The following SLC16A9 variants were observed in gnomAD, a reference collection of about 807,000 sequenced individuals.
The protein encoded by SLC16A9 is monocarboxylate transporter 9.
Under a neutral mutation model 44.3 loss-of-function variants are expected in SLC16A9, and 26 were observed. The observed-to-expected ratio is 0.59, with a 90% CI of 0.43 to 0.81. The LOEUF is 0.81. Among genes scored for constraint, SLC16A9 ranks in the 40% least tolerant of loss-of-function variants. The pLI is 0.00. For missense variants in SLC16A9, 559 were observed against 595.8 expected (o/e 0.94, Z 0.64); for synonymous variants, 230 against 225.1 (o/e 1.02, Z -0.19).
intron 1 of SLC16A9, chr10:59,708,870 C>G (rs1239361912): frequency 1.3e-5 from 2 of 152,506 alleles, no homozygotes; most frequent in East Asian, 3.9e-4. Context: ...CCGGTGCCTC[C>G]TGCGGCGGTG....
At chr10:59,707,124 G>T (rs538352912) in intron 1 of SLC16A9, among the ~76,000 whole-genome samples, 1 of 149,610 alleles carries the variant, frequency 6.7e-6, no homozygotes. Context: ...GGTGGCACAC[G>T]CTTGTAGTCC....
At chr10:59,662,289 G>GAA (rs201875280) in intron 4 of SLC16A9, among the ~76,000 whole-genome samples, 4 of 145,828 alleles carry the variant, frequency 2.7e-5, no homozygotes, top group African/African-American at 7.5e-5. Context: ...AAATTTACAA[G>GAA]AAAAAAAAAA....
intron 2 of SLC16A9, among the ~76,000 whole-genome samples, chr10:59,675,804 A>G (rs1839846231): frequency 6.6e-6 from 1 of 152,232 alleles, no homozygotes. Flanking sequence ...GAATCAAGAG[A>G]GAAGGAAAAA....
chr10:59,683,325 G>A (rs1451323810), intron 2 of SLC16A9, among the ~76,000 whole-genome samples: 3 of 152,150 alleles, frequency 2.0e-5, no homozygotes, highest in Non-Finnish European at 4.4e-5. Flanking sequence ...AGAAGTTCAA[G>A]TGGCATATGA....
intron 1 of SLC16A9, among the ~76,000 whole-genome samples, chr10:59,694,442 A>G (rs1324031217): frequency 6.6e-6 from 1 of 152,204 alleles, no homozygotes; most frequent in African/African-American, 2.4e-5. Flanking sequence ...GCTATTAGCC[A>G]GTGATTAATA....
At chr10:59,671,757 C>T (rs1839755605) in intron 3 of SLC16A9, among the ~76,000 whole-genome samples, 1 of 151,868 alleles carries the variant, frequency 6.6e-6, no homozygotes, top group Non-Finnish European at 1.5e-5. Context: ...AAATGGACTA[C>T]TGAGTGTCAG....
chr10:59,696,257 C>T (rs1258438537), intron 1 of SLC16A9, among the ~76,000 whole-genome samples: 2 of 152,216 alleles, frequency 1.3e-5, no homozygotes, highest in African/African-American at 4.8e-5. Flanking sequence ...GCGCGGGCCC[C>T]CACGCCTGAC....
intron 2 of SLC16A9, among the ~76,000 whole-genome samples, chr10:59,677,572 C>T (rs972495458): frequency 2.0e-5 from 3 of 152,022 alleles, no homozygotes; most frequent in African/African-American, 7.2e-5. Flanking sequence ...AAAACAAACT[C>T]GCATCAAGGT....
At chr10:59,696,505 C>T (rs1840379605) in intron 1 of SLC16A9, among the ~76,000 whole-genome samples, 1 of 152,274 alleles carries the variant, frequency 6.6e-6, no homozygotes, top group African/African-American at 2.4e-5. Flanking sequence ...GCCGAGATTG[C>T]AGCCTCTGCC....
intron 1 of SLC16A9, among the ~76,000 whole-genome samples, chr10:59,686,071 C>G (rs996170322): frequency 1.3e-5 from 2 of 151,198 alleles, no homozygotes; most frequent in African/African-American, 4.9e-5. Context: ...GCATTTCTTA[C>G]AGTATAAATG....
At position 59,672,762 on chromosome 10, in the gene SLC16A9, T is replaced by C. The variant is rs1166429282; in HGVS notation, c.340+8A>G. 2 of 1,609,978 alleles carry C rather than the reference T, an allele frequency of 1.2e-6. No homozygotes were observed. The highest frequency in any genetic ancestry group is 3.4e-5 in the Admixed American group (2 of 59,172). On this transcript the variant is annotated splice_region_variant and intron_variant, in intron 3 of 5. Transcript: ENST00000395348. ...GGTTAGGAAAGTCATAGTGACGAGG[T>C]TCCTTACCTACAACAATGCCATAGG...
intron 1 of SLC16A9, among the ~76,000 whole-genome samples, chr10:59,684,961 C>A (rs987023547): frequency 2.0e-5 from 3 of 152,192 alleles, no homozygotes; most frequent in African/African-American, 4.8e-5. Flanking sequence ...CCCATAAGGG[C>A]TGGCAGCATT....
chr10:59,653,617 C>G, intron 5 of SLC16A9, 58 bp downstream of exon 5: 2 of 1,438,684 alleles, frequency 1.4e-6, no homozygotes, highest in South Asian at 2.6e-5. Context: ...ACCTCTATAT[C>G]TGGAGATATG....
chr10:59,666,948 A>T (rs1839633495), intron 3 of SLC16A9, among the ~76,000 whole-genome samples: 1 of 151,750 alleles, frequency 6.6e-6, no homozygotes, highest in African/African-American at 2.4e-5. Flanking sequence ...TTCCCAATTC[A>T]TAAAGATTTC....
chr10:59,704,695 C>G (rs1001106851), intron 1 of SLC16A9, among the ~76,000 whole-genome samples: 1 of 152,222 alleles, frequency 6.6e-6, no homozygotes, highest in African/African-American at 2.4e-5. Context: ...ACCAGGGTCA[C>G]TGGACTGCCA....
intron 5 of SLC16A9, among the ~76,000 whole-genome samples, chr10:59,653,425 C>CAAAAAAAAAA (rs562805430): frequency 0.091 from 3,329 of 36,556 alleles, 940 homozygotes; most frequent in Non-Finnish European, 0.13. Flanking sequence ...AACTCCGTCT[C>CAAAAAAAAAA]AAAAAAAAAA....
At chr10:59,706,999 C>CAA (rs760131923) in intron 1 of SLC16A9, among the ~76,000 whole-genome samples, 1,092 of 90,438 alleles carry the variant, frequency 0.012, 20 homozygotes, top group African/African-American at 0.041. Flanking sequence ...AACTCCATCT[C>CAA]AAAAAAAAAA....
At chr10:59,661,992 G>A (rs1359685981) in intron 4 of SLC16A9, among the ~76,000 whole-genome samples, 3 of 152,050 alleles carry the variant, frequency 2.0e-5, no homozygotes, top group Non-Finnish European at 2.9e-5. Flanking sequence ...ACGCAAGATG[G>A]ATTAAAGATT....
chr10:59,670,129 G>T (rs978110579), intron 3 of SLC16A9, among the ~76,000 whole-genome samples: 1 of 152,140 alleles, frequency 6.6e-6, no homozygotes, highest in Non-Finnish European at 1.5e-5. Flanking sequence ...ATTCAATAGA[G>T]CTTCTTCAGT....
Sources: gnomAD v4.1 joint callset for allele counts (sites outside exome capture counted in the v4.1 genomes callset) on GRCh38, gnomAD v4.1.1 for gene constraint, MANE v1.5 for transcripts, NCBI Gene and HGNC (gene_info 2026-07-23, HGNC 2026-07-21) for gene names.